Variants in GALNT13 observed in about 807,000 individuals in gnomAD.
The protein encoded by GALNT13 is UDP-GalNAc:polypeptide N-acetylgalactosaminyltransferase 13.
In GALNT13, 28 loss-of-function variants were observed where a neutral mutation model predicts 64.2. The ratio of observed to expected loss-of-function variants is 0.44; its 90% CI spans 0.32 to 0.60. The LOEUF (loss-of-function observed/expected upper bound fraction) is 0.60. Ranked by LOEUF, GALNT13 falls within the 20% of genes least tolerant of loss-of-function variation. The pLI, the probability that GALNT13 is intolerant of heterozygous loss-of-function variation, is 0.05. For missense variants in GALNT13, 577 were observed against 669.8 expected (o/e 0.86, Z 1.53); for synonymous variants, 214 against 224.6 (o/e 0.95, Z 0.42).
chr2:153,398,650 G>A, the GALNT13 span, among the ~76,000 whole-genome samples: 1 of 152,146 alleles, frequency 6.6e-6, no homozygotes, highest in Non-Finnish European at 1.5e-5. Context: ...TTGTAGTTTT[G>A]ATTTGCATTT....
chr2:154,287,222 C>G, intron 8 of GALNT13: 1 of 1,244,498 alleles, frequency 8.0e-7, no homozygotes, highest in Non-Finnish European at 1.2e-6. Flanking sequence ...AAAGGCTGAG[C>G]ATCAGAAGAA....
the GALNT13 span, among the ~76,000 whole-genome samples, chr2:153,680,086 A>G: frequency 6.6e-6 from 1 of 151,914 alleles, no homozygotes; most frequent in East Asian, 1.9e-4. Flanking sequence ...GGTAGACAAC[A>G]TGCTTCATCT....
At chr2:153,235,135 A>G in the GALNT13 span, among the ~76,000 whole-genome samples, 1 of 152,102 alleles carries the variant, frequency 6.6e-6, no homozygotes, top group African/African-American at 2.4e-5. Context: ...CACCAACAAC[A>G]GGTAGTTGCC....
At chr2:153,851,256 A>C in the GALNT13 span, among the ~76,000 whole-genome samples, 3 of 152,176 alleles carry the variant, frequency 2.0e-5, no homozygotes, top group Non-Finnish European at 2.9e-5. Context: ...CAATGTATTA[A>C]AAGTACTTAA....
At chr2:153,234,216 CT>C in the GALNT13 span, among the ~76,000 whole-genome samples, 1 of 152,144 alleles carries the variant, frequency 6.6e-6, no homozygotes, top group East Asian at 1.9e-4. Flanking sequence ...GGTCTCTACC[CT>C]GAAGCCCAGC....
the GALNT13 span, among the ~76,000 whole-genome samples, chr2:153,672,252 C>A: frequency 1.2e-4 from 19 of 152,258 alleles, no homozygotes; most frequent in East Asian, 3.1e-3. Context: ...AATATACATT[C>A]TTCTCAGCAC....
At chr2:153,980,207 T>C (rs1023436495) in intron 3 of GALNT13, among the ~76,000 whole-genome samples, 1 of 152,182 alleles carries the variant, frequency 6.6e-6, no homozygotes, top group African/African-American at 2.4e-5. Context: ...CAAATCATTG[T>C]AGACAATATT....
At chr2:153,291,283 T>G in the GALNT13 span, among the ~76,000 whole-genome samples, 1 of 152,202 alleles carries the variant, frequency 6.6e-6, no homozygotes, top group African/African-American at 2.4e-5. Context: ...TTTTATTATT[T>G]TAGCAATTTT....
chr2:154,408,959 C>G, intron 10 of GALNT13, 25 bp from the exon 11 acceptor site: 1 of 1,381,150 alleles, frequency 7.2e-7, no homozygotes. Flanking sequence ...TGTTTTATCC[C>G]CCCCCTTTTG....
chr2:154,208,776 T>G (rs948163598), intron 4 of GALNT13, among the ~76,000 whole-genome samples: 2 of 152,076 alleles, frequency 1.3e-5, no homozygotes, highest in Admixed American at 1.3e-4. Context: ...TTATAATCAC[T>G]TATCATACTT....
chr2:154,012,331 A>AG (rs71396378), intron 3 of GALNT13, among the ~76,000 whole-genome samples: 28,317 of 152,114 alleles, frequency 0.19, 3,366 homozygotes, highest in Non-Finnish European at 0.26. Flanking sequence ...TATGAGGCTT[A>AG]GTGTGGCTGG....
chr2:153,529,015 T>C, the GALNT13 span, among the ~76,000 whole-genome samples: 2 of 150,844 alleles, frequency 1.3e-5, no homozygotes, highest in African/African-American at 4.9e-5. Context: ...CCTCAACAAC[T>C]AGAAAGCAAG....
At chr2:153,159,428 T>A in the GALNT13 span, 1 of 152,286 alleles carries the variant, frequency 6.6e-6, no homozygotes, top group Non-Finnish European at 1.5e-5. Context: ...GGGTCACAAG[T>A]GCCATTACCT....
At chr2:154,200,984 A>G (rs909565385) in intron 4 of GALNT13, among the ~76,000 whole-genome samples, 1 of 152,162 alleles carries the variant, frequency 6.6e-6, no homozygotes, top group African/African-American at 2.4e-5. Context: ...CAACAATTAA[A>G]AGAACTTTAA....
chr2:153,993,569 C>T (rs981555422), intron 3 of GALNT13, among the ~76,000 whole-genome samples: 6 of 151,046 alleles, frequency 4.0e-5, no homozygotes, highest in South Asian at 2.1e-4. Flanking sequence ...TAGTGGCGGG[C>T]GCCTGTAGTC....
the GALNT13 span, among the ~76,000 whole-genome samples, chr2:153,136,848 C>CACACACACACACACACACACACA: frequency 3.4e-5 from 5 of 148,442 alleles, no homozygotes; most frequent in East Asian, 4.0e-4. Context: ...GGTGTTTGCA[C>CACACACACACACACACACACACA]CACACACACA....
the GALNT13 span, among the ~76,000 whole-genome samples, chr2:153,103,302 C>T: frequency 6.6e-6 from 1 of 152,284 alleles, no homozygotes; most frequent in South Asian, 2.1e-4. Flanking sequence ...CCAGCTCATT[C>T]CCTCCTTGGC....
intron 3 of GALNT13, among the ~76,000 whole-genome samples, chr2:154,077,533 A>T (rs985761698): frequency 1.3e-5 from 2 of 151,562 alleles, no homozygotes; most frequent in Non-Finnish European, 3.0e-5. Flanking sequence ...TGTCATTTTC[A>T]TCTATTGAAT....
chr2:154,309,578 C>T (rs1693923053), intron 9 of GALNT13, among the ~76,000 whole-genome samples: 2 of 152,238 alleles, frequency 1.3e-5, no homozygotes, highest in African/African-American at 4.8e-5. Flanking sequence ...AGAAACAACT[C>T]ACTTTTGAAG....
Sources: allele counts gnomAD v4.1 joint callset (sites outside exome capture counted in the v4.1 genomes callset), GRCh38; gene constraint gnomAD v4.1.1; transcripts MANE v1.5; gene names NCBI Gene and HGNC (gene_info 2026-07-23, HGNC 2026-07-21).